The following DYM variants were observed in gnomAD, a reference collection of about 807,000 sequenced individuals.
DYM encodes dymeclin.
DYM carries 78 observed loss-of-function variants against 93.1 expected under a neutral mutation model. The ratio of observed to expected loss-of-function variants is 0.84; its 90% CI spans 0.70 to 1.01. The LOEUF (loss-of-function observed/expected upper bound fraction) is 1.01. DYM is among the 50% of genes least tolerant of loss of function. DYM has a pLI of 0.00. For missense variants in DYM, 789 were observed against 845.0 expected (o/e 0.93, Z 0.82); for synonymous variants, 321 against 319.7 (o/e 1.00, Z -0.04).
At chr18:49,436,342 T>G (rs1410165775) in intron 1 of DYM, among the ~76,000 whole-genome samples, 1 of 152,188 alleles carries the variant, frequency 6.6e-6, no homozygotes, top group African/African-American at 2.4e-5. Context: ...CTTTCAGATT[T>G]TATTCAAAAT....
chr18:49,447,795 G>A (rs991955104), intron 1 of DYM, among the ~76,000 whole-genome samples: 1 of 152,142 alleles, frequency 6.6e-6, no homozygotes, highest in Non-Finnish European at 1.5e-5. Context: ...ATGGTTCAGG[G>A]AAGTAGTCTT....
intron 1 of DYM, among the ~76,000 whole-genome samples, chr18:49,453,197 A>C (rs2082673490): frequency 6.9e-6 from 1 of 144,136 alleles, no homozygotes; most frequent in Admixed American, 6.9e-5. Context: ...TCTAGGGGGG[A>C]CTTGGAGAAC....
At chr18:49,424,709 A>G (rs182965996) in intron 2 of DYM, among the ~76,000 whole-genome samples, 1 of 152,224 alleles carries the variant, frequency 6.6e-6, no homozygotes, top group African/African-American at 2.4e-5. Context: ...AGGATACAAA[A>G]TCAATGTATA....
At chr18:49,063,035 C>G (rs1352272333) in intron 17 of DYM, among the ~76,000 whole-genome samples, 4 of 152,216 alleles carry the variant, frequency 2.6e-5, no homozygotes, top group African/African-American at 9.7e-5. Flanking sequence ...CTCTCACTTC[C>G]AGTGTAGCAA....
At chr18:49,417,965 CAGG>C (rs2073179767) in intron 2 of DYM, 1 of 148,116 alleles carries the variant, frequency 6.8e-6, no homozygotes, top group Non-Finnish European at 1.5e-5. Context: ...GAGGCTGAGG[CAGG>C]AGAATCACTT....
rs956446827 is a variant in DYM, at chr18:49,105,469, T to C, written c.1912-7954A>G. On this transcript the variant is annotated intron_variant, in intron 16 of 17. Coordinates refer to ENST00000675505, the MANE Select transcript of DYM (RefSeq NM_001353214.3). Reference sequence around the variant, plus strand: ...TGCTAGCTTTTGAATGTGTTTGCTCTTGCTTCTCTAGTTCTTTTAATTGTG... The same window carrying C: ...TGCTAGCTTTTGAATGTGTTTGCTCCTGCTTCTCTAGTTCTTTTAATTGTG... Among the ~76,000 whole-genome samples the C allele has an allele frequency of 7.2e-5, 11 of 152,240 alleles. No individual in the cohort carries two copies. The East Asian group carries it at 2.1e-3, about 29-fold the overall frequency.
At chr18:49,267,166 C>A (rs1231660153) in intron 11 of DYM, among the ~76,000 whole-genome samples, 2 of 150,616 alleles carry the variant, frequency 1.3e-5, no homozygotes, top group African/African-American at 2.4e-5. Context: ...GGTAATCTCT[C>A]TATGGCTAGT....
chr18:49,130,457 C>T (rs765398904), intron 15 of DYM, among the ~76,000 whole-genome samples: 10 of 152,218 alleles, frequency 6.6e-5, no homozygotes, highest in Non-Finnish European at 1.3e-4. Context: ...GAAAATGAGA[C>T]ACCTGAGTCC....
chr18:49,117,182 T>C (rs1327028882), intron 16 of DYM, among the ~76,000 whole-genome samples: 1 of 152,224 alleles, frequency 6.6e-6, no homozygotes, highest in Non-Finnish European at 1.5e-5. Context: ...GATACCTAAA[T>C]GATGTCGATA....
At chr18:49,205,994 T>TTTTTTTTTTGTTTTTG (rs2092462226) in intron 14 of DYM, 1 of 159,354 alleles carries the variant, frequency 6.3e-6, no homozygotes, top group Non-Finnish European at 1.3e-5. Flanking sequence ...AAGGTAGAGT[T>TTTTTTTTTTGTTTTTG]TTTTTTTTGT....
At chr18:49,255,871 C>T (rs1391375114) in intron 13 of DYM, among the ~76,000 whole-genome samples, 1 of 151,840 alleles carries the variant, frequency 6.6e-6, no homozygotes, top group Non-Finnish European at 1.5e-5. Flanking sequence ...GTTAGCTTTC[C>T]TATCCTTCAA....
chr18:49,300,375 C>T (rs1180609504), intron 8 of DYM, among the ~76,000 whole-genome samples: 3 of 151,894 alleles, frequency 2.0e-5, no homozygotes, highest in African/African-American at 4.8e-5. Flanking sequence ...TGAGGTGGGC[C>T]GGTTCCCTGA....
intron 8 of DYM, among the ~76,000 whole-genome samples, chr18:49,323,775 C>T (rs2062680945): frequency 6.6e-6 from 1 of 152,184 alleles, no homozygotes; most frequent in South Asian, 2.1e-4. Context: ...CAAGCTAAGA[C>T]AATACTTTAC....
chr18:49,399,119 A>C (rs1419879681), intron 2 of DYM, among the ~76,000 whole-genome samples: 1 of 152,206 alleles, frequency 6.6e-6, no homozygotes, highest in African/African-American at 2.4e-5. Flanking sequence ...CTCTGCCTCC[A>C]GGCTACATGG....
intron 15 of DYM, among the ~76,000 whole-genome samples, chr18:49,142,701 AAAC>A (rs1287176411): frequency 6.6e-6 from 1 of 152,216 alleles, no homozygotes; most frequent in African/African-American, 2.4e-5. Flanking sequence ...TGCATCTGGT[AAAC>A]AACAAGTCCT....
intron 8 of DYM, among the ~76,000 whole-genome samples, chr18:49,292,904 C>T (rs910393727): frequency 3.3e-5 from 5 of 152,062 alleles, no homozygotes; most frequent in African/African-American, 1.2e-4. Context: ...TATACACGTG[C>T]CATGGTGGTT....
At chr18:49,348,222 G>A (rs751759018) in intron 6 of DYM, among the ~76,000 whole-genome samples, 17 of 152,142 alleles carry the variant, frequency 1.1e-4, no homozygotes, top group Non-Finnish European at 2.2e-4. Context: ...TGGAACATAA[G>A]TTTAATAAAA....
At chr18:49,153,508 G>A (rs1021900178) in intron 15 of DYM, among the ~76,000 whole-genome samples, 10 of 152,164 alleles carry the variant, frequency 6.6e-5, no homozygotes, top group Admixed American at 5.2e-4. Context: ...CCGATGAACT[G>A]GAGCATCTTG....
At chr18:49,300,662 C>G (rs2060873337) in intron 8 of DYM, among the ~76,000 whole-genome samples, 2 of 151,916 alleles carry the variant, frequency 1.3e-5, no homozygotes, top group Non-Finnish European at 2.9e-5. Context: ...TGCAAAAACT[C>G]AAGTGAACTT....
Sources: gnomAD v4.1 joint callset for allele counts (sites outside exome capture counted in the v4.1 genomes callset) on GRCh38, gnomAD v4.1.1 for gene constraint, MANE v1.5 for transcripts, NCBI Gene and HGNC (gene_info 2026-07-23, HGNC 2026-07-21) for gene names.